ZCCHC7: variants seen among roughly 807,000 people sequenced by gnomAD.
ZCCHC7 encodes zinc finger CCHC domain-containing protein 7.
ZCCHC7 carries 35 observed loss-of-function variants against 52.0 expected under a neutral mutation model. That is an observed-to-expected ratio of 0.67 (90% CI 0.51 to 0.89). ZCCHC7 has a LOEUF of 0.89. ZCCHC7 is among the 40% of genes least tolerant of loss of function. ZCCHC7 has a pLI of 0.00. For synonymous variants in ZCCHC7, 217 were observed against 221.5 expected (o/e 0.98, Z 0.18); for missense variants, 574 against 649.1 (o/e 0.88, Z 1.26).
chr9:37,248,476 T>C (rs1826175544), intron 2 of ZCCHC7, among the ~76,000 whole-genome samples: 1 of 152,230 alleles, frequency 6.6e-6, no homozygotes, highest in African/African-American at 2.4e-5. Context: ...TTTTATACTC[T>C]TTTAGACTCT....
intron 2 of ZCCHC7, among the ~76,000 whole-genome samples, chr9:37,298,748 T>C (rs1485954640): frequency 6.6e-6 from 1 of 152,232 alleles, no homozygotes; most frequent in Non-Finnish European, 1.5e-5. Flanking sequence ...TATTTTTACA[T>C]AGGTACATTT....
chr9:37,147,824 A>G (rs1843500582), intron 2 of ZCCHC7, among the ~76,000 whole-genome samples: 1 of 152,066 alleles, frequency 6.6e-6, no homozygotes, highest in African/African-American at 2.4e-5. Context: ...AATACTTATC[A>G]ACTAATTTTT....
Position 37,349,427 on chromosome 9 carries a change from G to T in ZCCHC7, c.1058G>T (p.Cys353Phe). The change falls in exon 7 of 9, where the codon TGC (cysteine) becomes TTC (phenylalanine). Residue 353 changes from cysteine (C) to phenylalanine (F), a missense_variant. Cys to Phe is a radical substitution (Grantham distance 205). Around this residue, in one of 3 missense-constraint regions of ZCCHC7, gnomAD observed 403 missense variants for 461.2 expected, o/e 0.87. Transcript: ENST00000336755. ...RPSALAYCYH[C>F]AQKGHYGHEC... Reference sequence around the variant, plus strand: ...TCAGCCTTAGCATATTGCTATCACTGCGCGCAAAAAGGCCATTATGGACAC... The same window carrying T: ...TCAGCCTTAGCATATTGCTATCACTTCGCGCAAAAAGGCCATTATGGACAC... The T allele has an allele frequency of 6.2e-7, 1 of 1,613,974 alleles. No homozygotes were observed. Among genetic ancestry groups the T allele is most frequent in the Non-Finnish European group, 8.5e-7 (1 of 1,179,918 alleles).
chr9:37,275,219 A>G (rs1051237816), intron 2 of ZCCHC7, among the ~76,000 whole-genome samples: 1 of 151,884 alleles, frequency 6.6e-6, no homozygotes, highest in African/African-American at 2.4e-5. Context: ...CCTTCTCCCA[A>G]CAGTTGGGCC....
At chr9:37,326,318 C>A (rs1053283040) in intron 5 of ZCCHC7, among the ~76,000 whole-genome samples, 1 of 151,916 alleles carries the variant, frequency 6.6e-6, no homozygotes, top group Admixed American at 6.6e-5. Flanking sequence ...TATGAATCAA[C>A]CTTTTACTTT....
chr9:37,331,614 A>G (rs546344535), intron 6 of ZCCHC7, among the ~76,000 whole-genome samples: 1 of 151,810 alleles, frequency 6.6e-6, no homozygotes, highest in Non-Finnish European at 1.5e-5. Flanking sequence ...ATTGTGATGT[A>G]AGATAGGATA....
chr9:37,286,869 CCCCCTCCCCCTTCCCTCCCTCCCT>C (rs1828246027), intron 2 of ZCCHC7, among the ~76,000 whole-genome samples: 1 of 13,638 alleles, frequency 7.3e-5, no homozygotes, highest in Non-Finnish European at 1.4e-4. Context: ...CCCTCCCTCC[CCCCCTCCCCCTTCCCTCCCTCCCT>C]CCCCCTCCCC....
chr9:37,296,585 T>C (rs1360140791), intron 2 of ZCCHC7, among the ~76,000 whole-genome samples: 5 of 144,110 alleles, frequency 3.5e-5, no homozygotes, highest in African/African-American at 1.0e-4. Flanking sequence ...CTATTGTTTC[T>C]TTTTTTTTTT....
At chr9:37,214,863 A>C (rs1245822328) in intron 2 of ZCCHC7, among the ~76,000 whole-genome samples, 1 of 152,082 alleles carries the variant, frequency 6.6e-6, no homozygotes, top group Non-Finnish European at 1.5e-5. Flanking sequence ...TTGGGTATTG[A>C]ATATCAGTTT....
intron 2 of ZCCHC7, among the ~76,000 whole-genome samples, chr9:37,243,822 C>T (rs1158799184): frequency 1.3e-5 from 2 of 151,818 alleles, no homozygotes; most frequent in East Asian, 3.9e-4. Context: ...CAAGTGGAAA[C>T]ATTAACTAGT....
rs971742682 is a variant in ZCCHC7, at chr9:37,228,161, C to T, written c.611-74027C>T. Among the ~76,000 whole-genome samples, 3 of 152,066 alleles carry T rather than the reference C, an allele frequency of 2.0e-5. No homozygotes were observed. In the East Asian group the frequency reaches 5.8e-4, roughly 29 times the overall value. On this transcript the variant is annotated intron_variant, in intron 2 of 8. Transcript: ENST00000336755. ...GGACTATGTACTGTATTAATCTTTT[C>T]CTATGACTATTCTATAAACGACAAA... is the stretch of plus-strand genomic sequence containing the variant.
chr9:37,195,371 G>A (rs763602934), intron 2 of ZCCHC7, among the ~76,000 whole-genome samples: 1 of 152,142 alleles, frequency 6.6e-6, no homozygotes, highest in South Asian at 2.1e-4. Flanking sequence ...CACTAGGGAC[G>A]TTGCAGAAGA....
intron 2 of ZCCHC7, among the ~76,000 whole-genome samples, chr9:37,282,872 C>G (rs1588608586): frequency 1.3e-5 from 1 of 78,134 alleles, no homozygotes; most frequent in Non-Finnish European, 2.4e-5. Flanking sequence ...AGACCTGAAT[C>G]TTTTTTTTTT....
chr9:37,279,423 CAAAA>C (rs910658356), intron 2 of ZCCHC7, among the ~76,000 whole-genome samples: 3 of 149,484 alleles, frequency 2.0e-5, no homozygotes, highest in Admixed American at 6.7e-5. Context: ...AAAAAAAAGA[CAAAA>C]AAACATAAGG....
At chr9:37,331,231 T>C (rs1830437273) in intron 6 of ZCCHC7, among the ~76,000 whole-genome samples, 1 of 151,518 alleles carries the variant, frequency 6.6e-6, no homozygotes, top group Non-Finnish European at 1.5e-5. Context: ...ATCCGGGAAA[T>C]GGGGAAGAGT....
intron 2 of ZCCHC7, among the ~76,000 whole-genome samples, chr9:37,299,497 A>G (rs1186242400): frequency 1.3e-5 from 2 of 152,182 alleles, no homozygotes; most frequent in East Asian, 1.9e-4. Flanking sequence ...TAGAAGCCAG[A>G]TTTCTATCAA....
chr9:37,294,569 A>C (rs1828693982), intron 2 of ZCCHC7, among the ~76,000 whole-genome samples: 1 of 152,178 alleles, frequency 6.6e-6, no homozygotes, highest in Non-Finnish European at 1.5e-5. Flanking sequence ...TATTACAGAA[A>C]TTGTAAGTTT....
chr9:37,136,012 G>A (rs1351152517), intron 2 of ZCCHC7, among the ~76,000 whole-genome samples: 2 of 151,948 alleles, frequency 1.3e-5, no homozygotes, highest in African/African-American at 4.8e-5. Context: ...AAATCATTTT[G>A]TTTGATCTAG....
intron 2 of ZCCHC7, among the ~76,000 whole-genome samples, chr9:37,127,962 G>C (rs188641308): frequency 6.6e-6 from 1 of 152,318 alleles, no homozygotes; most frequent in African/African-American, 2.4e-5. Flanking sequence ...TCTCAGTAAA[G>C]CCCTACTTAC....
Sources: allele counts gnomAD v4.1 joint callset (sites outside exome capture counted in the v4.1 genomes callset), GRCh38; gene constraint gnomAD v4.1.1; regional missense constraint gnomAD v4.1.1; transcripts MANE v1.5; gene names NCBI Gene and HGNC (gene_info 2026-07-23, HGNC 2026-07-21).